MXD1: variants seen among roughly 807,000 people sequenced by gnomAD.
MXD1 encodes MAX-binding protein.
In MXD1, 9 loss-of-function variants were observed where a neutral mutation model predicts 25.7. That is an observed-to-expected ratio of 0.35 (90% CI 0.21 to 0.61). The LOEUF is 0.61. Ranked by LOEUF, MXD1 falls within the 20% of genes least tolerant of loss-of-function variation. MXD1 has a pLI of 0.75. For synonymous variants in MXD1, 99 were observed against 113.9 expected (o/e 0.87, Z 0.83); for missense variants, 227 against 292.4 (o/e 0.78, Z 1.63).
At chr2:69,932,871 G>C (rs1452278089) in intron 3 of MXD1, among the ~76,000 whole-genome samples, 1 of 152,068 alleles carries the variant, frequency 6.6e-6, no homozygotes, top group East Asian at 1.9e-4. Flanking sequence ...TAACAAGCTG[G>C]CTGAAAAATA....
Position 69,935,423 on chromosome 2 carries a change from C to T in MXD1, c.276C>T (p.His92=). The T allele has an allele frequency of 6.2e-7, 1 of 1,614,050 alleles. No homozygotes were observed. The highest frequency in any genetic ancestry group is 1.1e-5 in the South Asian group (1 of 91,076). The stretch of plus-strand genomic sequence containing the variant: ...CACTTGGACCCGAATCAAGTCGACA[C>T]ACTACGTTGAGTTTATTAACAAAAG... ...LVPLGPESSR[H]TTLSLLTKAK... Residue 92 remains histidine (H), a synonymous_variant, in exon 4 of 6, where the codon CAC becomes CAT. Transcript: ENST00000264444.
intron 2 of MXD1, among the ~76,000 whole-genome samples, chr2:69,919,344 T>TTTTA (rs138655970): frequency 2.0e-5 from 3 of 152,058 alleles, no homozygotes; most frequent in Non-Finnish European, 4.4e-5. Context: ...ATCCATTTTA[T>TTTTA]TTTATTTATT....
At chr2:69,921,344 G>T (rs1392142084) in intron 2 of MXD1, among the ~76,000 whole-genome samples, 1 of 152,178 alleles carries the variant, frequency 6.6e-6, no homozygotes. Flanking sequence ...AGGGAAAACT[G>T]CAGGGGTGGG....
chr2:69,922,879 C>CAAA (rs34830116), intron 3 of MXD1, among the ~76,000 whole-genome samples: 11 of 115,052 alleles, frequency 9.6e-5, no homozygotes, highest in South Asian at 2.8e-4. Flanking sequence ...GACTCCGTCT[C>CAAA]AAAAAAAAAA....
intron 3 of MXD1, among the ~76,000 whole-genome samples, chr2:69,924,106 G>T (rs970664051): frequency 6.6e-6 from 1 of 152,162 alleles, no homozygotes; most frequent in Non-Finnish European, 1.5e-5. Context: ...TATTAAATGC[G>T]TTCATAGTAG....
chr2:69,929,535 C>T (rs189703516), intron 3 of MXD1, among the ~76,000 whole-genome samples: 41 of 152,332 alleles, frequency 2.7e-4, no homozygotes, highest in Admixed American at 1.1e-3. Flanking sequence ...TCTATCAGTG[C>T]CAAAGCTCTG....
At chr2:69,918,281 G>T (rs1217882238) in intron 2 of MXD1, among the ~76,000 whole-genome samples, 2 of 152,186 alleles carry the variant, frequency 1.3e-5, no homozygotes, top group Non-Finnish European at 2.9e-5. Flanking sequence ...TGCTTGTAGA[G>T]TCTAGGGAAG....
chr2:69,925,688 A>G (rs982272761), intron 3 of MXD1, among the ~76,000 whole-genome samples: 32 of 152,194 alleles, frequency 2.1e-4, no homozygotes, highest in African/African-American at 7.2e-4. Context: ...GAATATGTTA[A>G]ACCTCATATA....
chr2:69,925,427 A>ATAG (rs1458724564), intron 3 of MXD1, among the ~76,000 whole-genome samples: 1 of 152,190 alleles, frequency 6.6e-6, no homozygotes, highest in African/African-American at 2.4e-5. Context: ...AACTGAAAAT[A>ATAG]TAGTTTTGTG....
At chr2:69,937,097 G>A in intron 4 of MXD1, 138 bp from the exon 5 acceptor site, 1 of 1,134,820 alleles carries the variant, frequency 8.8e-7, no homozygotes. Context: ...TCCTGTCTCA[G>A]GGAGAAGCTT....
chr2:69,917,017 T>C (rs868769837), intron 2 of MXD1, among the ~76,000 whole-genome samples: 2 of 152,202 alleles, frequency 1.3e-5, no homozygotes, highest in East Asian at 3.8e-4. Flanking sequence ...GCTAGGAAAT[T>C]TGTTCTATTA....
intron 2 of MXD1, among the ~76,000 whole-genome samples, chr2:69,919,552 C>A (rs544528062): frequency 1.7e-3 from 255 of 152,066 alleles, no homozygotes; most frequent in Admixed American, 3.7e-3. Flanking sequence ...GCCAGGTTAG[C>A]CAGGCTGGTC....
intron 4 of MXD1, among the ~76,000 whole-genome samples, chr2:69,936,323 A>G (rs1558572866): frequency 3.9e-5 from 6 of 152,012 alleles, no homozygotes; most frequent in African/African-American, 1.2e-4. Context: ...TCCTTAGACT[A>G]TACACCCCAC....
At chr2:69,916,582 G>T (rs558395422) in intron 2 of MXD1, 1 of 183,234 alleles carries the variant, frequency 5.5e-6, no homozygotes, top group South Asian at 1.0e-4. Context: ...AAGTCAAAAT[G>T]CTGGACATTA....
At chr2:69,936,786 A>C (rs1677455042) in intron 4 of MXD1, among the ~76,000 whole-genome samples, 1 of 152,226 alleles carries the variant, frequency 6.6e-6, no homozygotes, top group Non-Finnish European at 1.5e-5. Context: ...TGACACAAAA[A>C]AGTGCTTATG....
chr2:69,934,063 C>T (rs1217607086), intron 3 of MXD1, among the ~76,000 whole-genome samples: 2 of 152,200 alleles, frequency 1.3e-5, no homozygotes, highest in Non-Finnish European at 2.9e-5. Flanking sequence ...ATTCAGCAAA[C>T]ACTTATTAAG....
intron 3 of MXD1, among the ~76,000 whole-genome samples, chr2:69,923,489 T>G (rs1329696277): frequency 6.6e-6 from 1 of 152,154 alleles, no homozygotes; most frequent in Non-Finnish European, 1.5e-5. Context: ...TGAATGATAT[T>G]TATGTTTAAT....
At chr2:69,926,657 T>C (rs1481541484) in intron 3 of MXD1, among the ~76,000 whole-genome samples, 2 of 152,254 alleles carry the variant, frequency 1.3e-5, no homozygotes, top group Non-Finnish European at 2.9e-5. Context: ...GCTATTGGTT[T>C]CCCATCTTAG....
intron 3 of MXD1, among the ~76,000 whole-genome samples, chr2:69,922,386 T>C (rs1677083954): frequency 6.6e-6 from 1 of 152,200 alleles, no homozygotes; most frequent in East Asian, 1.9e-4. Flanking sequence ...CCAAATCAAG[T>C]TGCCCCTCCT....
Sources: allele counts gnomAD v4.1 joint callset (sites outside exome capture counted in the v4.1 genomes callset), GRCh38; gene constraint gnomAD v4.1.1; transcripts MANE v1.5; gene names NCBI Gene and HGNC (gene_info 2026-07-23, HGNC 2026-07-21).